The following CNKSR2 variants were observed in gnomAD, a reference collection of about 807,000 sequenced individuals.
CNKSR2 encodes connector enhancer of kinase suppressor of Ras 2, also known as CNK homolog protein 2.
CNKSR2 carries 14 observed loss-of-function variants against 84.4 expected under a neutral mutation model. The ratio of observed to expected loss-of-function variants is 0.17; its 90% CI spans 0.11 to 0.26. The LOEUF (loss-of-function observed/expected upper bound fraction) is 0.26, where lower values mean the gene tolerates loss of function less well. Among genes scored for constraint, CNKSR2 ranks in the 10% least tolerant of loss-of-function variants. The pLI is 1.00. For missense variants in CNKSR2, 485 were observed against 771.2 expected, an observed-to-expected ratio of 0.63 and a Z score of 4.40; for synonymous variants, 275 against 277.9, an observed-to-expected ratio of 0.99 and a Z score of 0.10.
chrX:21,561,107 T>TA (rs1470825389), intron 11 of CNKSR2, among the ~76,000 whole-genome samples: 1 of 107,288 alleles, frequency 9.3e-6, no homozygotes, highest in Non-Finnish European at 1.9e-5. Flanking sequence ...GCTGTCAAGA[T>TA]ATAGACACTT....
rs532147639 is a variant in CNKSR2 at position 21,550,918 on chromosome X, C to T, written c.1304-10553C>T. Among the ~76,000 whole-genome samples the T allele has an allele frequency of 1.3e-4, 14 of 109,421 alleles. No homozygotes were observed. In the South Asian group the frequency reaches 5.3e-3, roughly 41 times the overall value. ...AGGTGTGGCAGGATGTGCCTGTAAT[C>T]CCAGTTGCTTGGGAGACTGAGACGG... On this transcript the variant is annotated intron_variant, in intron 11 of 21. Coordinates refer to ENST00000379510, the MANE Select transcript of CNKSR2 (RefSeq NM_014927.5).
At chrX:21,522,677 G>C (rs1354021493) in intron 9 of CNKSR2, among the ~76,000 whole-genome samples, 1 of 110,072 alleles carries the variant, frequency 9.1e-6, no homozygotes, top group Non-Finnish European at 1.9e-5. Context: ...TTAAAATTGG[G>C]GCGCACAAAG....
intron 6 of CNKSR2, among the ~76,000 whole-genome samples, chrX:21,497,352 G>T (rs2091510772): frequency 9.0e-6 from 1 of 111,662 alleles, no homozygotes; most frequent in Non-Finnish European, 1.9e-5. Context: ...TAATTGAAGT[G>T]TCTCATTAGA....
At chrX:21,473,237 G>A (rs749787946) in intron 5 of CNKSR2, among the ~76,000 whole-genome samples, 1 of 111,730 alleles carries the variant, frequency 9.0e-6, no homozygotes, top group Non-Finnish European at 1.9e-5. Context: ...AACCAAATCA[G>A]TTCATCTCAG....
At chrX:21,533,292 C>T (rs1413276771) in intron 11 of CNKSR2, among the ~76,000 whole-genome samples, 2 of 109,957 alleles carry the variant, frequency 1.8e-5, no homozygotes, top group Non-Finnish European at 3.8e-5. Flanking sequence ...GGCCTGTAAT[C>T]TTTGCTATCC....
At chrX:21,466,278 T>C (rs927994964) in intron 4 of CNKSR2, among the ~76,000 whole-genome samples, 2 of 111,431 alleles carry the variant, frequency 1.8e-5, no homozygotes, top group African/African-American at 6.5e-5. Context: ...AAGTATAGAT[T>C]TATCCATATG....
intron 11 of CNKSR2, among the ~76,000 whole-genome samples, chrX:21,539,684 A>G (rs937395382): frequency 9.0e-6 from 1 of 111,135 alleles, no homozygotes; most frequent in Non-Finnish European, 1.9e-5. Context: ...TTTGCATTCT[A>G]TAGTGTCAAT....
At chrX:21,526,133 A>G (rs1342080504) in intron 9 of CNKSR2, among the ~76,000 whole-genome samples, 1 of 110,024 alleles carries the variant, frequency 9.1e-6, no homozygotes, top group Non-Finnish European at 1.9e-5. Context: ...TAATACTTAA[A>G]TACAGGCCTG....
chrX:21,648,454 G>T (rs1022387982), intron 20 of CNKSR2, among the ~76,000 whole-genome samples: 8 of 111,796 alleles, frequency 7.2e-5, no homozygotes, highest in Non-Finnish European at 1.5e-4. Flanking sequence ...AAAATATAAT[G>T]TGCAGGATTG....
intron 20 of CNKSR2, among the ~76,000 whole-genome samples, chrX:21,626,624 GAGT>G (rs1362154802): frequency 2.7e-5 from 3 of 112,205 alleles, no homozygotes; most frequent in African/African-American, 9.7e-5. Flanking sequence ...AGGTCTTGAA[GAGT>G]AAAATGGAAA....
intron 13 of CNKSR2, among the ~76,000 whole-genome samples, chrX:21,573,252 C>T (rs2092296383): frequency 8.9e-6 from 1 of 112,355 alleles, no homozygotes. Flanking sequence ...AGCCCCCCTC[C>T]TAACTGCTTT....
chrX:21,504,942 G>T (rs2091597289), intron 8 of CNKSR2: 2 of 285,176 alleles, frequency 7.0e-6, no homozygotes, highest in Non-Finnish European at 1.2e-5. Context: ...CTCAAAGGCT[G>T]CTGGAATCTC....
At chrX:21,632,268 A>G (rs1365602617) in intron 20 of CNKSR2, among the ~76,000 whole-genome samples, 1 of 111,627 alleles carries the variant, frequency 9.0e-6, no homozygotes, top group African/African-American at 3.3e-5. Flanking sequence ...GGAGCAATGT[A>G]CCACAGTTCT....
At chrX:21,397,098 C>G (rs1349222325) in intron 1 of CNKSR2, among the ~76,000 whole-genome samples, 3 of 111,314 alleles carry the variant, frequency 2.7e-5, no homozygotes, top group African/African-American at 9.8e-5. Flanking sequence ...AGAAAATCTT[C>G]TCCTGATGGT....
intron 1 of CNKSR2, among the ~76,000 whole-genome samples, chrX:21,414,347 C>T (rs2090387479): frequency 2.7e-5 from 3 of 110,996 alleles, no homozygotes; most frequent in Non-Finnish European, 5.7e-5. Context: ...TTTCATATAC[C>T]TTATGGCCGT....
At chrX:21,563,786 T>C (rs2092214178) in intron 13 of CNKSR2, among the ~76,000 whole-genome samples, 1 of 111,552 alleles carries the variant, frequency 9.0e-6, no homozygotes, top group African/African-American at 3.3e-5. Flanking sequence ...AAGATATAAT[T>C]TTAATATAGT....
intron 11 of CNKSR2, among the ~76,000 whole-genome samples, chrX:21,540,830 T>C (rs1464840741): frequency 8.9e-6 from 1 of 112,312 alleles, no homozygotes; most frequent in East Asian, 2.8e-4. Flanking sequence ...CAGTTCTTCA[T>C]ATGTGCTTTC....
At chrX:21,554,452 T>C (rs189479039) in intron 11 of CNKSR2, among the ~76,000 whole-genome samples, 10 of 111,088 alleles carry the variant, frequency 9.0e-5, no homozygotes, top group East Asian at 2.9e-4. Flanking sequence ...TAGTACCCGT[T>C]AGTTGTTTTT....
intron 20 of CNKSR2, among the ~76,000 whole-genome samples, chrX:21,616,544 T>G (rs1406793603): frequency 8.9e-6 from 1 of 112,091 alleles, no homozygotes; most frequent in African/African-American, 3.2e-5. Context: ...ACCCTCTTTA[T>G]GCTGGAGACC....
Sources: gnomAD v4.1 joint callset for allele counts (sites outside exome capture counted in the v4.1 genomes callset) on GRCh38, gnomAD v4.1.1 for gene constraint, MANE v1.5 for transcripts, NCBI Gene and HGNC (gene_info 2026-07-23, HGNC 2026-07-21) for gene names.